The following ARID3A variants were observed in gnomAD, a reference collection of about 807,000 sequenced individuals.
ARID3A encodes AT-rich interaction domain 3A, also known as AT-rich interactive domain-containing protein 3A.
Under a neutral mutation model 52.7 loss-of-function variants are expected in ARID3A, and 11 were observed. The ratio of observed to expected loss-of-function variants is 0.21; its 90% CI spans 0.13 to 0.35. The LOEUF is 0.35. Ranked by LOEUF, ARID3A falls within the 10% of genes least tolerant of loss-of-function variation. The pLI is 1.00. For synonymous variants in ARID3A, 404 were observed against 359.4 expected, an observed-to-expected ratio of 1.12 and a Z score of -1.40; for missense variants, 721 against 838.5, an observed-to-expected ratio of 0.86 and a Z score of 1.73.
chr19:971,743 C>T, intron 8 of ARID3A, 135 bp from the exon 9 acceptor site: 3 of 1,152,756 alleles, frequency 2.6e-6, no homozygotes, highest in Non-Finnish European at 3.6e-6. Flanking sequence ...GCTCTGATGC[C>T]ACCACTGCAC....
chr19:971,833 T>C (rs1268431160), intron 8 of ARID3A, 45 bp from the exon 9 acceptor site: 6 of 1,551,546 alleles, frequency 3.9e-6, no homozygotes, highest in Non-Finnish European at 5.2e-6. Flanking sequence ...CCGCCTCGCA[T>C]CTTCTTAAAC....
In ARID3A at chr19:944,810, G is replaced by T. The variant is rs1401257394; in HGVS notation, c.693+12068G>T. On this transcript the variant is annotated intron_variant, in intron 3 of 8. Coordinates refer to ENST00000263620, the MANE Select transcript of ARID3A (RefSeq NM_005224.3). The surrounding 1 kb of genome is among the most constrained non-coding windows in gnomAD (Gnocchi z 5.9). The stretch of plus-strand genomic sequence containing the variant: ...CCGGCTAACTTCATTTTATTTTTTG[G>T]AGACAGGGTCTTGCTGCGTTGCCCA... Among the ~76,000 whole-genome samples the T allele has an allele frequency of 1.3e-5, 2 of 152,114 alleles. No homozygotes were observed. Among genetic ancestry groups the T allele is most frequent in the African/African-American group, 2.4e-5 (1 of 41,426 alleles).
intron 6 of ARID3A, among the ~76,000 whole-genome samples, chr19:965,527 C>CAA (rs113686728): frequency 8.8e-5 from 11 of 125,446 alleles, no homozygotes; most frequent in African/African-American, 2.8e-4. Flanking sequence ...GACCCCATCT[C>CAA]AAAAAAAAAA....
chr19:947,675 C>T lies in ARID3A; in HGVS notation c.694-12417C>T, dbSNP rs2037715369. Among the ~76,000 whole-genome samples, 1 of 152,248 alleles carries T rather than the reference C, an allele frequency of 6.6e-6. No individual in the cohort carries two copies. Among genetic ancestry groups the T allele is most frequent in the Admixed American group, 6.5e-5 (1 of 15,282 alleles). On this transcript the variant is annotated intron_variant, in intron 3 of 8. Coordinates refer to ENST00000263620, the MANE Select transcript of ARID3A (RefSeq NM_005224.3). This position sits in a 1 kb window ranked among gnomAD's most constrained non-coding sequence, Gnocchi z 6.3. ...CGGAATCTCGTGATCTGGAAATCCA[C>T]AGAGAAGCACCTTCACCACGCCAGC...
At chr19:931,204 GGACTGCTTGAGCTCAGGAGGTCAA>G (rs2037320008) in intron 2 of ARID3A, among the ~76,000 whole-genome samples, 1 of 152,064 alleles carries the variant, frequency 6.6e-6, no homozygotes, top group Non-Finnish European at 1.5e-5. Context: ...CGAGGCGGAA[GGACTGCTTGAGCTCAGGAGGTCAA>G]GACTGCACTG....
At chr19:970,809 G>A (rs1038924046) in intron 8 of ARID3A, among the ~76,000 whole-genome samples, 1 of 152,084 alleles carries the variant, frequency 6.6e-6, no homozygotes, top group African/African-American at 2.4e-5. Context: ...GAGTCAGGCC[G>A]ATGGTTCATA....
chr19:939,251 TGGGACTACA>T (rs1894826643), intron 3 of ARID3A, among the ~76,000 whole-genome samples: 1 of 152,040 alleles, frequency 6.6e-6, no homozygotes. Context: ...CCAGAGTAGC[TGGGACTACA>T]GGCGCCCACC....
rs935882277 is a variant in ARID3A at position 941,945 on chromosome 19, G to A, written c.693+9203G>A. ...GACCTTCCTGTGTGCCTGAGCATTT[G>A]GGAGCCTCGTGCTGGACCCTGAAGC... On this transcript the variant is annotated intron_variant, in intron 3 of 8. Transcript: ENST00000263620. The surrounding 1 kb of genome is among the most constrained non-coding windows in gnomAD (Gnocchi z 6.9). Among the ~76,000 whole-genome samples the A allele has an allele frequency of 2.0e-5, 3 of 152,136 alleles. No homozygotes were observed. The highest frequency in any genetic ancestry group is 4.4e-5 in the Non-Finnish European group (3 of 68,030).
intron 3 of ARID3A, among the ~76,000 whole-genome samples, chr19:939,816 G>C (rs146194738): frequency 6.6e-6 from 1 of 152,096 alleles, no homozygotes; most frequent in African/African-American, 2.4e-5. Context: ...TCTTCGGGGC[G>C]TGAGAGTTGC....
intron 3 of ARID3A, among the ~76,000 whole-genome samples, chr19:955,650 A>T (rs910053915): frequency 6.6e-6 from 1 of 152,020 alleles, no homozygotes; most frequent in African/African-American, 2.4e-5. Context: ...TCTATTTGAG[A>T]GATGGGGAAA....
At chr19:933,489 C>T (rs947284641) in intron 3 of ARID3A, among the ~76,000 whole-genome samples, 4 of 152,196 alleles carry the variant, frequency 2.6e-5, no homozygotes, top group Non-Finnish European at 4.4e-5. Flanking sequence ...TCTGCCTCGA[C>T]CTCTGGGCGC....
At chr19:935,249 C>T (rs1408494838) in intron 3 of ARID3A, among the ~76,000 whole-genome samples, 1 of 152,222 alleles carries the variant, frequency 6.6e-6, no homozygotes, top group East Asian at 1.9e-4. Flanking sequence ...GGTGGGTGGC[C>T]AGGCCGCGGC....
chr19:932,424 C>A lies in ARID3A; in HGVS notation c.375C>A (p.Pro125=), dbSNP rs2145355126. 6.3e-7 allele frequency: 1 copy of A among 1,593,502 alleles called. No individual in the cohort carries two copies. The highest frequency in any genetic ancestry group is 1.8e-5 in the Admixed American group (1 of 54,462). The stretch of plus-strand genomic sequence containing the variant: ...TGCCCTCTGCTCACCCCAGGAAGCC[C>A]AAATGGGAGGAGGAGGAGATGGAGG... ...EDMASDEDMK[P]KWEEEEMEED... The change falls in exon 3 of 9, where the codon CCC becomes CCA. Residue 125 remains proline, a synonymous_variant. Coordinates refer to ENST00000263620, the MANE Select transcript of ARID3A (RefSeq NM_005224.3).
At chr19:969,973 A>G (rs1490073645) in intron 8 of ARID3A, among the ~76,000 whole-genome samples, 2 of 152,018 alleles carry the variant, frequency 1.3e-5, no homozygotes, top group Admixed American at 6.6e-5. Flanking sequence ...GATTACAGGC[A>G]TGAACCACCG....
rs747251396 is a variant in ARID3A at position 965,051 on chromosome 19, C to T, written c.1169C>T (p.Ser390Phe). The T allele has an allele frequency of 6.2e-7, 1 of 1,612,100 alleles. No individual in the cohort carries two copies. Among genetic ancestry groups the T allele is most frequent in the Non-Finnish European group, 8.5e-7 (1 of 1,179,262 alleles). ...CTGGCCGCAAGCACCAATGGCAGCT[C>T]CATCACCCCCGCCCCTAAGATCAAG... Reference protein sequence around the residue: ...LGLAASTNGSSITPAPKIKKE... With the variant: ...LGLAASTNGSFITPAPKIKKE... The change falls in exon 6 of 9, where the codon TCC (serine) becomes TTC (phenylalanine). Residue 390 changes from serine (S) to phenylalanine (F), a missense_variant. By Grantham distance (155) the Ser-to-Phe change is radical (BLOSUM62 -2). Around this residue, in one of 5 missense-constraint regions of ARID3A, gnomAD observed 297 missense variants for 343.2 expected, o/e 0.87. Transcript: ENST00000263620.
At chr19:968,737 G>A (rs1251221449) in intron 8 of ARID3A, 3 of 445,168 alleles carry the variant, frequency 6.7e-6, no homozygotes, top group Non-Finnish European at 8.1e-6. Flanking sequence ...TCAGTGTGAC[G>A]TTGGATGGTT....
Position 942,041 on chromosome 19 carries a change from G to T in ARID3A, c.693+9299G>T, listed in dbSNP as rs2037567016. On this transcript the variant is annotated intron_variant, in intron 3 of 8. Coordinates refer to ENST00000263620, the MANE Select transcript of ARID3A (RefSeq NM_005224.3). The surrounding 1 kb of genome is among the most constrained non-coding windows in gnomAD (Gnocchi z 8.1). ...CTAGAGAGTGGCGCTGTCTGTCTTGGTCAGCAGCGCGCGTCGGCCGCGGGG... is the reference window on the plus strand; with the variant it reads ...CTAGAGAGTGGCGCTGTCTGTCTTGTTCAGCAGCGCGCGTCGGCCGCGGGG... Among the ~76,000 whole-genome samples the T allele has an allele frequency of 6.6e-6, 1 of 152,174 alleles. No homozygotes were observed. The highest frequency in any genetic ancestry group is 2.4e-5 in the African/African-American group (1 of 41,438).
chr19:948,397 CA>C (rs1363500374), intron 3 of ARID3A, among the ~76,000 whole-genome samples: 1 of 152,146 alleles, frequency 6.6e-6, no homozygotes, highest in Non-Finnish European at 1.5e-5. Flanking sequence ...ACGGGAAAAA[CA>C]GCGAGATTCA....
At chr19:962,045 G>C (rs2038052439) in intron 4 of ARID3A, 1 of 152,134 alleles carries the variant, frequency 6.6e-6, no homozygotes, top group African/African-American at 2.4e-5. Context: ...ATTCCTACAG[G>C]ACAGGAGACA....
Sources: allele counts gnomAD v4.1 joint callset (sites outside exome capture counted in the v4.1 genomes callset), GRCh38; gene constraint gnomAD v4.1.1; regional missense constraint gnomAD v4.1.1; non-coding constraint Gnocchi (gnomAD v3.1); transcripts MANE v1.5; gene names NCBI Gene and HGNC (gene_info 2026-07-23, HGNC 2026-07-21).